The following PITHD1 variants were observed in gnomAD, a reference collection of about 807,000 sequenced individuals.
PITHD1 encodes the protein PITH domain containing 1.
PITHD1 carries 8 observed loss-of-function variants against 27.5 expected under a neutral mutation model. That is an observed-to-expected ratio of 0.29 (90% CI 0.17 to 0.52). PITHD1 has a LOEUF of 0.52. Ranked by LOEUF, PITHD1 falls within the 20% of genes least tolerant of loss-of-function variation. The pLI is 0.96. For missense variants in PITHD1, 233 were observed against 283.9 expected (o/e 0.82, Z 1.29); for synonymous variants, 118 against 106.8 (o/e 1.10, Z -0.64).
intron 4 of PITHD1, 92 bp from the exon 5 acceptor site, chr1:23,786,223 C>T (rs1428614087): frequency 1.7e-6 from 1 of 585,440 alleles, no homozygotes; most frequent in East Asian, 2.9e-5. Context: ...CTGGCTTTTA[C>T]AAGCTGGAGC....
Position 23,788,134 on chromosome 1 carries a change from G to GT in PITHD1, c.*759dup, listed in dbSNP as rs1638712401. 6.6e-6 allele frequency: 1 copy of GT among 152,224 alleles called. No homozygotes were observed. The highest frequency in any genetic ancestry group is 1.5e-5 in the Non-Finnish European group (1 of 68,046). 9.4% of individuals were successfully genotyped at this position (152,224 alleles called of 1,614,324 possible). ...TGTTTATTAGCTTCTAACTAGTGTT[G>GT]TAAGTCCGATGCCAGAATTTGGAGA... is the stretch of plus-strand genomic sequence containing the variant. On this transcript the variant is annotated 3_prime_UTR_variant, in exon 6 of 6. Transcript: ENST00000246151.
chr1:23,786,924 CTACTTTCAAA>C (rs1462070533), intron 5 of PITHD1, among the ~76,000 whole-genome samples: 6 of 152,064 alleles, frequency 3.9e-5, no homozygotes, highest in African/African-American at 1.4e-4. Context: ...TCACAGTTTT[CTACTTTCAAA>C]TGCTTTCATT....
At chr1:23,782,763 AGCTAATTTATGTATTTTTTT>A (rs1296292540) in intron 3 of PITHD1, among the ~76,000 whole-genome samples, 1 of 151,720 alleles carries the variant, frequency 6.6e-6, no homozygotes, top group Non-Finnish European at 1.5e-5. Flanking sequence ...CACCACGCCC[AGCTAATTTATGTATTTTTTT>A]GCAGAGATGG....
At chr1:23,779,782 G>A (rs1638568082) in intron 2 of PITHD1, 82 bp from the exon 3 acceptor site, 1 of 991,832 alleles carries the variant, frequency 1.0e-6, no homozygotes, top group East Asian at 2.4e-5. Context: ...GCCCATACAG[G>A]GGAAGGGTCT....
intron 2 of PITHD1, 89 bp downstream of exon 2, chr1:23,779,570 ATTT>A (rs1638565610): frequency 9.9e-7 from 1 of 1,014,974 alleles, no homozygotes; most frequent in South Asian, 1.3e-5. Context: ...AAGAGCACAC[ATTT>A]GCTTCTAGAA....
intron 3 of PITHD1, among the ~76,000 whole-genome samples, chr1:23,783,855 A>C (rs1296916343): frequency 6.6e-6 from 1 of 152,338 alleles, no homozygotes; most frequent in Admixed American, 6.5e-5. Flanking sequence ...CAAAATGTTG[A>C]TCATCGAAGA....
Position 23,787,263 on chromosome 1 carries a change from A to G in PITHD1, c.535-12A>G, listed in dbSNP as rs752244229. ...TTAATGGCTGGCTGACCCAGCCTCAATTTTCTTGCAGCTTCGCCGACACGA... is the reference window on the plus strand; with the variant it reads ...TTAATGGCTGGCTGACCCAGCCTCAGTTTTCTTGCAGCTTCGCCGACACGA... On this transcript the variant is annotated splice_polypyrimidine_tract_variant and intron_variant, in intron 5 of 5. Coordinates refer to ENST00000246151, the MANE Select transcript of PITHD1 (RefSeq NM_020362.5). The G allele has an allele frequency of 8.7e-6, 14 of 1,609,208 alleles. No individual in the cohort carries two copies. The highest frequency in any genetic ancestry group is 4.0e-5 in the African/African-American group (3 of 74,808).
chr1:23,779,891 C>A lies in PITHD1; in HGVS notation c.270C>A (p.Gly90=). 3 of 1,613,636 alleles carry A rather than the reference C, an allele frequency of 1.9e-6. No homozygotes were observed. Among genetic ancestry groups the A allele is most frequent in the Non-Finnish European group, 2.5e-6 (3 of 1,179,604 alleles). ...IPFTGNVKLK[G]IIIMGEDDDS... is the part of the protein sequence containing the mutation. The stretch of plus-strand genomic sequence containing the variant: ...TTACGGGCAATGTCAAGCTCAAAGG[C>A]ATCATTATAATGGGAGAGGATGATG... The change falls in exon 3 of 6, where the codon GGC becomes GGA. Residue 90 remains glycine, a synonymous_variant. Transcript: ENST00000246151.
intron 2 of PITHD1, 152 bp downstream of exon 2, chr1:23,779,633 C>T: frequency 1.4e-6 from 1 of 702,608 alleles, no homozygotes; most frequent in Non-Finnish European, 2.5e-6. Context: ...TCATAGCTTT[C>T]TTGGTGCAGA....
chr1:23,782,243 A>T (rs924980531), intron 3 of PITHD1, among the ~76,000 whole-genome samples: 1 of 151,938 alleles, frequency 6.6e-6, no homozygotes, highest in Admixed American at 6.6e-5. Flanking sequence ...ACATGGTGAA[A>T]CCCTGTCTCT....
chr1:23,787,236 T>C (rs1242477776), intron 5 of PITHD1, 39 bp from the exon 6 acceptor site: 1 of 1,440,420 alleles, frequency 6.9e-7, no homozygotes, highest in South Asian at 1.1e-5. Context: ...AGGACAGTTC[T>C]TTTAATGGCT....
chr1:23,785,552 T>G, intron 3 of PITHD1, 123 bp from the exon 4 acceptor site: 1 of 554,892 alleles, frequency 1.8e-6, no homozygotes, highest in Non-Finnish European at 3.3e-6. Flanking sequence ...TTCTAAAATA[T>G]GACCCCCAAA....
Position 23,785,764 on chromosome 1 carries a change from T to C in PITHD1, c.410T>C (p.Leu137Ser). The change falls in exon 4 of 6, where the codon TTA (leucine) becomes TCA (serine). Residue 137 changes from leucine (L) to serine (S), a missense_variant. Physicochemically the swap from Leu to Ser is moderately radical, Grantham distance 145. Transcript: ENST00000246151. ...FSLNRDLTGE[L>S]EYATKISRFS... is the part of the protein sequence containing the mutation. Reference sequence around the variant, plus strand: ...CTGAACCGGGATCTTACAGGAGAATTAGAGTATGCTACAAAGTAAGCACTG... The same window carrying C: ...CTGAACCGGGATCTTACAGGAGAATCAGAGTATGCTACAAAGTAAGCACTG... 1 of 1,589,260 alleles carries C rather than the reference T, an allele frequency of 6.3e-7. No homozygotes were observed. Among genetic ancestry groups the C allele is most frequent in the Admixed American group, 1.7e-5 (1 of 59,994 alleles).
At chr1:23,780,778 G>A (rs1039592765) in intron 3 of PITHD1, among the ~76,000 whole-genome samples, 1 of 151,982 alleles carries the variant, frequency 6.6e-6, no homozygotes, top group African/African-American at 2.4e-5. Flanking sequence ...GGGAGGGTGA[G>A]GCAGGAGAAT....
intron 1 of PITHD1, among the ~76,000 whole-genome samples, chr1:23,779,069 C>T (rs1017526782): frequency 6.6e-6 from 1 of 152,112 alleles, no homozygotes; most frequent in African/African-American, 2.4e-5. Flanking sequence ...AAAGGTGGTT[C>T]CCATATAGAG....
In PITHD1 at chr1:23,778,454, G is replaced by A. The variant is rs533793223; in HGVS notation, c.-62G>A. On this transcript the variant is annotated 5_prime_UTR_variant, in exon 1 of 6. Transcript: ENST00000246151. ...CTGAACGGCGCGGAGCTGGTCTGAGGCGAGCCGAGCCGAGCGAGCGCGGCG... is the reference window on the plus strand; with the variant it reads ...CTGAACGGCGCGGAGCTGGTCTGAGACGAGCCGAGCCGAGCGAGCGCGGCG... 2.7e-4 allele frequency: 329 copies of A among 1,220,624 alleles called. No individual in the cohort carries two copies. In the African/African-American group the frequency reaches 4.9e-3, roughly 18 times the overall value. 75.6% of individuals were successfully genotyped at this position (1,220,624 alleles called of 1,614,324 possible).
Position 23,778,433 on chromosome 1 carries a change from A to G in PITHD1, c.-83A>G. The G allele has an allele frequency of 2.1e-6, 2 of 961,430 alleles. No individual in the cohort carries two copies. The highest frequency in any genetic ancestry group is 1.3e-6 in the Non-Finnish European group (1 of 752,142). 59.6% of individuals were successfully genotyped at this position (961,430 alleles called of 1,614,324 possible). A position where few individuals can be genotyped will look rare whatever the true frequency, so the allele number is the denominator to read the frequency against. ...CGGCGCGCTTAGTTGCCGGAGCTGA[A>G]CGGCGCGGAGCTGGTCTGAGGCGAG... is the stretch of plus-strand genomic sequence containing the variant. On this transcript the variant is annotated 5_prime_UTR_variant, in exon 1 of 6. Transcript: ENST00000246151.
Position 23,787,677 on chromosome 1 carries a change from C to G in PITHD1, c.*301C>G, listed in dbSNP as rs1197484302. ...TTCCAGTTAATGTGGCCATGTGATT[C>G]CAAGTGTCATGTTGCTTTGTGGCAA... On this transcript the variant is annotated 3_prime_UTR_variant, in exon 6 of 6. Coordinates refer to ENST00000246151, the MANE Select transcript of PITHD1 (RefSeq NM_020362.5). The G allele has an allele frequency of 4.8e-6, 1 of 210,040 alleles. No individual in the cohort carries two copies. Among genetic ancestry groups the G allele is most frequent in the Non-Finnish European group, 9.5e-6 (1 of 105,548 alleles). The allele number at this position is 210,040 out of a possible 1,614,324, so 13.0% of individuals were successfully genotyped here. A position where few individuals can be genotyped will look rare whatever the true frequency, so the allele number is the denominator to read the frequency against.
At chr1:23,783,723 G>A (rs952243249) in intron 3 of PITHD1, among the ~76,000 whole-genome samples, 2 of 152,088 alleles carry the variant, frequency 1.3e-5, no homozygotes, top group East Asian at 3.9e-4. Flanking sequence ...CCAAAGTGCT[G>A]GGATTACAGG....
Sources: allele counts gnomAD v4.1 joint callset (sites outside exome capture counted in the v4.1 genomes callset), GRCh38; gene constraint gnomAD v4.1.1; transcripts MANE v1.5; gene names NCBI Gene and HGNC (gene_info 2026-07-23, HGNC 2026-07-21).